PIK3R3: variants seen among roughly 807,000 people sequenced by gnomAD.
PIK3R3 encodes phosphatidylinositol 3-kinase regulatory subunit gamma.
In PIK3R3, 64 loss-of-function variants were observed where a neutral mutation model predicts 62.9. That is an observed-to-expected ratio of 1.02 (90% CI 0.83 to 1.25). The LOEUF is 1.25. Ranked by LOEUF, PIK3R3 falls within the 50% of genes most tolerant of loss-of-function variation. The pLI is 0.00. For synonymous variants in PIK3R3, 165 were observed against 189.0 expected, an observed-to-expected ratio of 0.87 and a Z score of 1.04; for missense variants, 614 against 561.6, an observed-to-expected ratio of 1.09 and a Z score of -0.94.
chr1:46,055,817 T>G lies in PIK3R3; in HGVS notation c.919A>C (p.Lys307Gln). ...TACACAAGGTGTTGATCTCGGATCT[T>G]TCGCAGCTGGATCAGGTCAGGTTTG... ...SIKPDLIQLR[K>Q]IRDQHLVWLN... is the part of the protein sequence containing the mutation. The change falls in exon 7 of 10, where the codon AAG (lysine) becomes CAG (glutamine). Residue 307 changes from lysine to glutamine, a missense_variant. Physicochemically the swap from Lys to Gln is moderately conservative, Grantham distance 53. Transcript: ENST00000262741. The G allele has an allele frequency of 6.8e-7, 1 of 1,462,520 alleles. No individual in the cohort carries two copies. The highest frequency in any genetic ancestry group is 2.6e-5 in the East Asian group (1 of 38,608). 90.6% of individuals were successfully genotyped at this position (1,462,520 alleles called of 1,614,324 possible).
At chr1:46,070,745 G>A (rs372220000) in intron 3 of PIK3R3, among the ~76,000 whole-genome samples, 1 of 152,142 alleles carries the variant, frequency 6.6e-6, no homozygotes, top group African/African-American at 2.4e-5. Flanking sequence ...GAAGAGAGGA[G>A]CAAGTTTGTT....
In PIK3R3 at chr1:46,077,505, A is replaced by T. The variant is rs778224597; in HGVS notation, c.314+10T>A. 10 of 1,524,854 alleles carry T rather than the reference A, an allele frequency of 6.6e-6. No homozygotes were observed. In the South Asian group the frequency reaches 1.0e-4, roughly 15 times the overall value. The allele number at this position is 1,524,854 out of a possible 1,614,324, so 94.5% of individuals were successfully genotyped here. ...GTAGAGAACTAGCCAAAAGACTGAA[A>T]AGTACTTACCGCAAAGTCAAAGTAT... is the stretch of plus-strand genomic sequence containing the variant. On this transcript the variant is annotated intron_variant, in intron 3 of 9. Coordinates refer to ENST00000262741, the MANE Select transcript of PIK3R3 (RefSeq NM_003629.4).
Position 46,041,533 on chromosome 1 carries a change from T to G in PIK3R3, c.*2140A>C, listed in dbSNP as rs1397256690. 1.1e-5 allele frequency: 2 copies of G among 177,408 alleles called. No homozygotes were observed. Among genetic ancestry groups the G allele is most frequent in the East Asian group, 1.9e-4 (2 of 10,484 alleles). 11.0% of individuals were successfully genotyped at this position (177,408 alleles called of 1,614,324 possible). A position where few individuals can be genotyped will look rare whatever the true frequency, so the allele number is the denominator to read the frequency against. On this transcript the variant is annotated 3_prime_UTR_variant, in exon 10 of 10. Transcript: ENST00000262741. The stretch of plus-strand genomic sequence containing the variant: ...GAATACTACAGCCCTGTATCTGTAT[T>G]TCCATTTTGGTTTAAAAGACACTCA...
chr1:46,147,032 A>G, the PIK3R3 span, among the ~76,000 whole-genome samples: 1 of 152,192 alleles, frequency 6.6e-6, no homozygotes, highest in Admixed American at 6.5e-5. Context: ...AGGGTAATCT[A>G]GCACCTGACA....
chr1:46,045,856 G>A, intron 9 of PIK3R3, 62 bp downstream of exon 9: 1 of 1,412,142 alleles, frequency 7.1e-7, no homozygotes, highest in Non-Finnish European at 1.0e-6. Context: ...TTTATGAGGG[G>A]TTGATTTTAT....
intron 3 of PIK3R3, among the ~76,000 whole-genome samples, chr1:46,072,553 A>G (rs1361608176): frequency 6.6e-6 from 1 of 152,272 alleles, no homozygotes; most frequent in Non-Finnish European, 1.5e-5. Context: ...TAGTATATAC[A>G]TATAGCAGAC....
At chr1:46,150,314 T>C in the PIK3R3 span, among the ~76,000 whole-genome samples, 1 of 152,256 alleles carries the variant, frequency 6.6e-6, no homozygotes, top group African/African-American at 2.4e-5. Flanking sequence ...GCTGGGCTAT[T>C]GTGGAATGTC....
At chr1:46,168,209 T>C in the PIK3R3 span, among the ~76,000 whole-genome samples, 3 of 152,126 alleles carry the variant, frequency 2.0e-5, no homozygotes, top group Admixed American at 2.0e-4. Flanking sequence ...TGCTATCTTC[T>C]GTGGAGCCTC....
In PIK3R3 at chr1:46,110,023, A is replaced by G. The variant is rs544721238; in HGVS notation, c.106+21824T>C. Among the ~76,000 whole-genome samples the G allele has an allele frequency of 7.9e-5, 12 of 152,060 alleles. No individual in the cohort carries two copies. In the East Asian group the frequency reaches 2.3e-3, roughly 29 times the overall value. On this transcript the variant is annotated intron_variant, in intron 1 of 9. Transcript: ENST00000262741. The stretch of plus-strand genomic sequence containing the variant: ...TACACCAATACCTGCAGCTCATCCA[A>G]ACACACAACTCTTTCTCATGCCTTT...
At chr1:46,153,633 AAT>A in the PIK3R3 span, among the ~76,000 whole-genome samples, 1 of 152,228 alleles carries the variant, frequency 6.6e-6, no homozygotes, top group Non-Finnish European at 1.5e-5. Context: ...AGATCTGGGC[AAT>A]ACAGACTTTT....
intron 5 of PIK3R3, among the ~76,000 whole-genome samples, chr1:46,062,968 C>T (rs184544251): frequency 1.2e-4 from 18 of 152,232 alleles, no homozygotes; most frequent in African/African-American, 4.3e-4. Context: ...TTGTCACTTT[C>T]GGCAATTGAT....
chr1:46,117,112 G>T (rs1654253447), intron 1 of PIK3R3, among the ~76,000 whole-genome samples: 1 of 152,090 alleles, frequency 6.6e-6, no homozygotes, highest in Admixed American at 6.6e-5. Context: ...AAGAACATCA[G>T]GAAATTTTCT....
chr1:46,056,232 G>T, intron 6 of PIK3R3: 1 of 268,906 alleles, frequency 3.7e-6, no homozygotes, highest in Non-Finnish European at 7.0e-6. Flanking sequence ...TGTATTTTTA[G>T]TAGAGATGGG....
chr1:46,173,952 T>G, the PIK3R3 span, among the ~76,000 whole-genome samples: 1 of 152,076 alleles, frequency 6.6e-6, no homozygotes, highest in East Asian at 1.9e-4. Context: ...GGTGAGTGTG[T>G]CTGCATGCGT....
intron 1 of PIK3R3, among the ~76,000 whole-genome samples, chr1:46,081,041 A>G (rs1344208149): frequency 2.0e-5 from 3 of 152,180 alleles, no homozygotes; most frequent in Non-Finnish European, 4.4e-5. Context: ...CAAACAACTC[A>G]GTCCAAAAGC....
chr1:46,064,113 T>G (rs1262163021), intron 5 of PIK3R3, among the ~76,000 whole-genome samples: 1 of 152,066 alleles, frequency 6.6e-6, no homozygotes, highest in Non-Finnish European at 1.5e-5. Context: ...CTCAGGAGGC[T>G]GAGGCAAGAG....
the PIK3R3 span, among the ~76,000 whole-genome samples, chr1:46,174,631 A>G: frequency 6.6e-6 from 1 of 152,108 alleles, no homozygotes; most frequent in African/African-American, 2.4e-5. Context: ...TTCGAGACAG[A>G]GTCCTACAAA....
At chr1:46,060,125 T>C (rs571771617) in intron 6 of PIK3R3, among the ~76,000 whole-genome samples, 58 of 150,760 alleles carry the variant, frequency 3.8e-4, no homozygotes, top group Admixed American at 3.0e-3. Flanking sequence ...AAACAAAACG[T>C]TATCATGCTA....
At chr1:46,065,983 T>C (rs1196411992) in intron 5 of PIK3R3, 71 bp downstream of exon 5, 2 of 1,364,590 alleles carry the variant, frequency 1.5e-6, no homozygotes, top group Non-Finnish European at 2.1e-6. Flanking sequence ...GATCATCAAG[T>C]GAATGATCGA....
Sources: gnomAD v4.1 joint callset for allele counts (sites outside exome capture counted in the v4.1 genomes callset) on GRCh38, gnomAD v4.1.1 for gene constraint, MANE v1.5 for transcripts, NCBI Gene and HGNC (gene_info 2026-07-23, HGNC 2026-07-21) for gene names.